Variants in SYT1 observed in about 807,000 individuals in gnomAD.
SYT1 encodes synaptotagmin 1, also known as synaptotagmin-1.
A neutral mutation model predicts 44.8 loss-of-function variants in SYT1; 8 were observed. The observed-to-expected ratio is 0.18, with a 90% CI of 0.10 to 0.32. The LOEUF (loss-of-function observed/expected upper bound fraction) is 0.32, where lower values mean the gene tolerates loss of function less well. Ranked by LOEUF, SYT1 falls within the 10% of genes least tolerant of loss-of-function variation. SYT1 has a pLI of 1.00. For synonymous variants in SYT1, 154 were observed against 188.8 expected (o/e 0.82, Z 1.51); for missense variants, 286 against 509.3 (o/e 0.56, Z 4.22).
chr12:79,295,530 G>T (rs867937070), intron 6 of SYT1, among the ~76,000 whole-genome samples: 1 of 152,080 alleles, frequency 6.6e-6, no homozygotes, highest in Non-Finnish European at 1.5e-5. Context: ...AATAAATGTA[G>T]TCTGCACACC....
At chr12:79,379,210 A>G (rs1884119786) in intron 9 of SYT1, among the ~76,000 whole-genome samples, 1 of 152,202 alleles carries the variant, frequency 6.6e-6, no homozygotes, top group African/African-American at 2.4e-5. Context: ...TTAGCAAGTT[A>G]ATCAAAATAT....
intron 3 of SYT1, among the ~76,000 whole-genome samples, chr12:79,131,162 C>T (rs1868792347): frequency 7.2e-6 from 1 of 139,434 alleles, no homozygotes; most frequent in African/African-American, 2.7e-5. Flanking sequence ...ACTTTAAGTT[C>T]TGGGATACAT....
chr12:79,015,646 C>A (rs1441354214), intron 2 of SYT1, among the ~76,000 whole-genome samples: 1 of 152,078 alleles, frequency 6.6e-6, no homozygotes, highest in Admixed American at 6.6e-5. Flanking sequence ...TATAATCGCT[C>A]CCTATTTGCT....
At chr12:78,922,945 A>T (rs1470039380) in intron 1 of SYT1, among the ~76,000 whole-genome samples, 1 of 146,558 alleles carries the variant, frequency 6.8e-6, no homozygotes, top group Non-Finnish European at 1.5e-5. Context: ...AGTCAGGACG[A>T]GAACCCAGGT....
chr12:79,436,410 G>C lies in SYT1; in HGVS notation c.929-7663G>C, dbSNP rs1323718360. On this transcript the variant is annotated intron_variant, in intron 9 of 10. Coordinates refer to ENST00000261205, the MANE Select transcript of SYT1 (RefSeq NM_005639.3). ...GAAATGAGGCTGTTTCTTATCAAGA[G>C]AAATATGGTAGAAACGGAAAGGCCA... Among the ~76,000 whole-genome samples the C allele has an allele frequency of 2.0e-5, 3 of 152,150 alleles. No individual in the cohort carries two copies. The East Asian group carries it at 5.8e-4, about 29-fold the overall frequency.
chr12:79,121,945 C>A (rs991087528), intron 3 of SYT1, among the ~76,000 whole-genome samples: 5 of 152,132 alleles, frequency 3.3e-5, no homozygotes, highest in Non-Finnish European at 2.9e-5. Context: ...AAGTGAAAAG[C>A]CCTGCTTCTG....
chr12:78,981,618 C>T (rs1055213648), intron 2 of SYT1, among the ~76,000 whole-genome samples: 1 of 152,142 alleles, frequency 6.6e-6, no homozygotes, highest in East Asian at 1.9e-4. Context: ...AGTGGATTAA[C>T]TCCTTACTCT....
chr12:78,966,155 A>T (rs1294604990), intron 1 of SYT1, among the ~76,000 whole-genome samples: 1 of 151,902 alleles, frequency 6.6e-6, no homozygotes, highest in Non-Finnish European at 1.5e-5. Flanking sequence ...TTTTTACTAT[A>T]TCTATTTTCT....
intron 3 of SYT1, among the ~76,000 whole-genome samples, chr12:79,131,075 A>G (rs1868782897): frequency 6.6e-6 from 1 of 151,760 alleles, no homozygotes; most frequent in Non-Finnish European, 1.5e-5. Flanking sequence ...TTTTTTAATA[A>G]AGGAACTTCT....
At chr12:79,243,045 T>C (rs1296340340) in intron 4 of SYT1, among the ~76,000 whole-genome samples, 1 of 152,168 alleles carries the variant, frequency 6.6e-6, no homozygotes, top group Non-Finnish European at 1.5e-5. Context: ...CAAGAGAGCA[T>C]GTGCAGGGGA....
At chr12:78,885,303 A>C (rs1407364277) in intron 1 of SYT1, among the ~76,000 whole-genome samples, 1 of 89,896 alleles carries the variant, frequency 1.1e-5, no homozygotes, top group Admixed American at 1.3e-4. Flanking sequence ...GAGAGAAGAA[A>C]GGAGAGAGGG....
rs531498219 is a variant in SYT1 at position 79,072,937 on chromosome 12, G to A, written c.-18+25575G>A. Among the ~76,000 whole-genome samples, 8 of 152,088 alleles carry A rather than the reference G, an allele frequency of 5.3e-5. No homozygotes were observed. The East Asian group carries it at 5.8e-4, about 11-fold the overall frequency. ...AGGAGTAAGGGGAAGGAAGGGAAAC[G>A]GGATGAATAATAGATAAACAACAAA... On this transcript the variant is annotated intron_variant, in intron 3 of 10. Coordinates refer to ENST00000261205, the MANE Select transcript of SYT1 (RefSeq NM_005639.3).
intron 1 of SYT1, among the ~76,000 whole-genome samples, chr12:78,889,815 T>C (rs1285331210): frequency 2.0e-5 from 3 of 151,958 alleles, no homozygotes; most frequent in Admixed American, 1.3e-4. Context: ...TTAAATATTC[T>C]TCAAGGATGT....
intron 5 of SYT1, among the ~76,000 whole-genome samples, chr12:79,287,756 AC>A (rs1879382268): frequency 6.6e-6 from 1 of 152,122 alleles, no homozygotes; most frequent in South Asian, 2.1e-4. Flanking sequence ...GGTGTTTATT[AC>A]CCCTGTTATG....
At chr12:78,913,273 T>C (rs988829090) in intron 1 of SYT1, among the ~76,000 whole-genome samples, 3 of 151,398 alleles carry the variant, frequency 2.0e-5, no homozygotes, top group Admixed American at 2.0e-4. Flanking sequence ...AAATCTAACA[T>C]TGACTTATAG....
chr12:78,933,783 C>T (rs568631688), intron 1 of SYT1, among the ~76,000 whole-genome samples: 2 of 151,952 alleles, frequency 1.3e-5, no homozygotes, highest in East Asian at 1.9e-4. Flanking sequence ...TTAATAAATC[C>T]TTGTTTTACC....
chr12:79,235,688 T>C (rs1876148016), intron 4 of SYT1, among the ~76,000 whole-genome samples: 1 of 150,028 alleles, frequency 6.7e-6, no homozygotes, highest in African/African-American at 2.4e-5. Context: ...ATAATATATA[T>C]ATTTTAAAAC....
intron 3 of SYT1, among the ~76,000 whole-genome samples, chr12:79,160,853 G>A (rs10506813): frequency 0.082 from 12,503 of 152,120 alleles, 675 homozygotes; most frequent in African/African-American, 0.15. Flanking sequence ...TAGAACCTTA[G>A]AGTAAGCTAT....
intron 9 of SYT1, among the ~76,000 whole-genome samples, chr12:79,422,990 C>A (rs1869211830): frequency 6.6e-6 from 1 of 152,026 alleles, no homozygotes; most frequent in South Asian, 2.1e-4. Context: ...ACCCTTCAGA[C>A]AAAAATGAGA....
Sources: allele counts gnomAD v4.1 joint callset (sites outside exome capture counted in the v4.1 genomes callset), GRCh38; gene constraint gnomAD v4.1.1; transcripts MANE v1.5; gene names NCBI Gene and HGNC (gene_info 2026-07-23, HGNC 2026-07-21).